TSPEAR: variants seen among roughly 807,000 people sequenced by gnomAD.
TSPEAR encodes the protein thrombospondin type laminin G domain and EAR repeats, also known as thrombospondin-type laminin G domain and EAR repeat-containing protein.
TSPEAR carries 69 observed loss-of-function variants against 71.6 expected under a neutral mutation model. The observed-to-expected ratio is 0.96, with a 90% confidence interval of 0.79 to 1.18. The LOEUF is 1.18. Ranked by LOEUF, TSPEAR falls within the 50% of genes most tolerant of loss-of-function variation. The pLI is 0.00. For missense variants in TSPEAR, 971 were observed against 894.9 expected, an observed-to-expected ratio of 1.09 and a Z score of -1.09; for synonymous variants, 402 against 387.2, an observed-to-expected ratio of 1.04 and a Z score of -0.45.
At chr21:44,592,613 G>T in intron 1 of TSPEAR, 1 of 1,413,624 alleles carries the variant, frequency 7.1e-7, no homozygotes, top group Non-Finnish European at 9.5e-7. Flanking sequence ...GAGAGCTGGA[G>T]TCTGCCGGGA....
chr21:44,533,687 G>C lies in TSPEAR; in HGVS notation c.540C>G (p.Asp180Glu). ...ACCCTCCCCGGGTGGGTACCTACAT[G>C]TCCACCGGGAGGCCGCAGTCCGTGG... ...SLTTDCGLPVDIMADVPFPAT... is the reference protein window; with the variant it reads ...SLTTDCGLPVEIMADVPFPAT... The change falls in exon 3 of 12, where the codon GAC becomes GAG. Residue 180 changes from aspartate (D) to glutamate (E), a missense_variant and splice_region_variant. Transcript: ENST00000323084. 6.2e-7 allele frequency: 1 copy of C among 1,605,906 alleles called. No homozygotes were observed. The highest frequency in any genetic ancestry group is 8.5e-7 in the Non-Finnish European group (1 of 1,175,760).
chr21:44,503,934 G>A (rs1238055913), intron 11 of TSPEAR, among the ~76,000 whole-genome samples: 8 of 141,702 alleles, frequency 5.6e-5, no homozygotes, highest in Non-Finnish European at 9.1e-5. Flanking sequence ...AGCCCTCGGC[G>A]GGAAGCAAGG....
In TSPEAR at chr21:44,591,449, G is replaced by A. The variant is rs200502354; in HGVS notation, c.83-23444C>T. 257 of 1,613,960 alleles carry A rather than the reference G, an allele frequency of 1.6e-4. No homozygotes were observed. The highest frequency in any genetic ancestry group is 8.0e-4 in the African/African-American group (60 of 74,978). ...CAGGCAGGGCGGGAGCACATGGGGC[G>A]GCAGAGGAGGGAAACACAGGAGGCC... On this transcript the variant is annotated intron_variant, in intron 1 of 11. Coordinates refer to ENST00000323084, the MANE Select transcript of TSPEAR (RefSeq NM_144991.3).
chr21:44,631,596 C>T (rs1555935739), intron 1 of TSPEAR, among the ~76,000 whole-genome samples: 1 of 152,094 alleles, frequency 6.6e-6, no homozygotes, highest in Non-Finnish European at 1.5e-5. Flanking sequence ...CGTGGTGGCT[C>T]ATGCCTGTAA....
At chr21:44,652,878 G>C (rs587746252) in intron 1 of TSPEAR, among the ~76,000 whole-genome samples, 2 of 151,978 alleles carry the variant, frequency 1.3e-5, no homozygotes, top group African/African-American at 2.4e-5. Flanking sequence ...GTCTTCTGGC[G>C]GGGTGTGGTG....
At chr21:44,568,973 A>T (rs369889759) in intron 1 of TSPEAR, among the ~76,000 whole-genome samples, 1 of 152,140 alleles carries the variant, frequency 6.6e-6, no homozygotes, top group Non-Finnish European at 1.5e-5. Context: ...TTCTCTGTGA[A>T]GGCCCCGGAA....
At chr21:44,627,836 C>T in intron 1 of TSPEAR, 1 of 1,614,028 alleles carries the variant, frequency 6.2e-7, no homozygotes, top group Non-Finnish European at 8.5e-7. Flanking sequence ...TGCTGCACCA[C>T]CTCCTGCTGC....
chr21:44,562,758 T>C (rs1247818575), intron 2 of TSPEAR, among the ~76,000 whole-genome samples: 7 of 152,200 alleles, frequency 4.6e-5, no homozygotes, highest in African/African-American at 1.7e-4. Flanking sequence ...AAGAATTCTA[T>C]ATCCAACAAA....
chr21:44,632,874 C>T (rs1447591623), intron 1 of TSPEAR, among the ~76,000 whole-genome samples: 2 of 152,086 alleles, frequency 1.3e-5, no homozygotes, highest in Non-Finnish European at 2.9e-5. Flanking sequence ...AAATAAAGAA[C>T]ACTAATAAAG....
In TSPEAR at chr21:44,711,418, AT is replaced by A; in HGVS notation, c.82+14del. On this transcript the variant is annotated intron_variant, in intron 1 of 11. Transcript: ENST00000323084. This position sits in a 1 kb window ranked among gnomAD's most constrained non-coding sequence, Gnocchi z 4.5. ...GCAAGATACCCCCGCCCGAGTTCCC[AT>A]GCCCCTGCCTTACCTGTGCAGGGCT... 1 of 1,582,390 alleles carries A rather than the reference AT, an allele frequency of 6.3e-7. No homozygotes were observed. The highest frequency in any genetic ancestry group is 8.6e-7 in the Non-Finnish European group (1 of 1,164,576).
intron 1 of TSPEAR, among the ~76,000 whole-genome samples, chr21:44,703,415 A>C (rs1301503210): frequency 6.6e-6 from 1 of 152,194 alleles, no homozygotes; most frequent in Non-Finnish European, 1.5e-5. Context: ...CCTTGGCAGG[A>C]GGGGCCTGGT....
At chr21:44,660,847 A>G (rs1555943466) in intron 1 of TSPEAR, among the ~76,000 whole-genome samples, 1 of 152,094 alleles carries the variant, frequency 6.6e-6, no homozygotes, top group Non-Finnish European at 1.5e-5. Flanking sequence ...GGCCCCTGTA[A>G]TCCCAGCTAC....
chr21:44,677,631 T>C (rs1289191242), intron 1 of TSPEAR: 3 of 1,171,604 alleles, frequency 2.6e-6, no homozygotes, highest in Non-Finnish European at 2.5e-6. Flanking sequence ...AGATTCCTCA[T>C]GCTGAACCCC....
intron 2 of TSPEAR, among the ~76,000 whole-genome samples, chr21:44,559,117 A>G (rs1555920589): frequency 1.3e-5 from 2 of 152,098 alleles, no homozygotes; most frequent in Non-Finnish European, 2.9e-5. Context: ...AGGAGTTTGC[A>G]CTTAAAAAAA....
In TSPEAR at chr21:44,612,499, C is replaced by A; in HGVS notation, c.83-44494G>T. ...AGTCCAACTGCTGCAAGCCCGTGTG[C>A]TGCGTGTCCATCTGCTCTGGAGCTT... On this transcript the variant is annotated intron_variant, in intron 1 of 11. Transcript: ENST00000323084. The surrounding 1 kb of genome is among the most constrained non-coding windows in gnomAD (Gnocchi z 4.1). 1 of 1,610,134 alleles carries A rather than the reference C, an allele frequency of 6.2e-7. No homozygotes were observed. Among genetic ancestry groups the A allele is most frequent in the South Asian group, 1.1e-5 (1 of 91,012 alleles).
At chr21:44,544,112 T>C (rs1251843337) in intron 2 of TSPEAR, among the ~76,000 whole-genome samples, 1 of 152,098 alleles carries the variant, frequency 6.6e-6, no homozygotes, top group Admixed American at 6.5e-5. Context: ...ATAGGGAGAG[T>C]TCACTGGGGT....
At chr21:44,694,738 C>T (rs781789330) in intron 1 of TSPEAR, among the ~76,000 whole-genome samples, 7 of 152,118 alleles carry the variant, frequency 4.6e-5, no homozygotes, top group Non-Finnish European at 8.8e-5. Flanking sequence ...TTATTGAGTG[C>T]CTATCATGAA....
intron 2 of TSPEAR, among the ~76,000 whole-genome samples, chr21:44,535,073 G>C (rs1013287847): frequency 6.6e-6 from 1 of 152,166 alleles, no homozygotes; most frequent in Non-Finnish European, 1.5e-5. Context: ...CGGGGCTGGG[G>C]GGTGATGGGG....
At chr21:44,534,869 ACACAAGTGT>A (rs1555916216) in intron 2 of TSPEAR, among the ~76,000 whole-genome samples, 1 of 152,238 alleles carries the variant, frequency 6.6e-6, no homozygotes, top group East Asian at 1.9e-4. Context: ...GGTAGAAGCA[ACACAAGTGT>A]CCACGAACGG....
Sources: gnomAD v4.1 joint callset for allele counts (sites outside exome capture counted in the v4.1 genomes callset) on GRCh38, gnomAD v4.1.1 for gene constraint, Gnocchi (gnomAD v3.1) non-coding constraint, MANE v1.5 for transcripts, NCBI Gene and HGNC (gene_info 2026-07-23, HGNC 2026-07-21) for gene names.